WSCD2: variants seen among roughly 807,000 people sequenced by gnomAD.
WSCD2 encodes the protein WSC domain sialate O sulfotransferase 2.
A neutral mutation model predicts 55.7 loss-of-function variants in WSCD2; 28 were observed. The ratio of observed to expected loss-of-function variants is 0.50; its 90% CI spans 0.37 to 0.69. The LOEUF is 0.69. WSCD2 is among the 30% of genes least tolerant of loss of function. The pLI is 0.00. For synonymous variants in WSCD2, 301 were observed against 301.9 expected (o/e 1.00, Z 0.03); for missense variants, 616 against 762.1 (o/e 0.81, Z 2.26).
intron 1 of WSCD2, among the ~76,000 whole-genome samples, chr12:108,159,036 C>T (rs1565923934): frequency 6.6e-6 from 1 of 152,172 alleles, no homozygotes; most frequent in African/African-American, 2.4e-5. Flanking sequence ...GGTTAAAGAC[C>T]TTCTGTGGCC....
chr12:108,173,810 C>CTCTGTGTGTGTGTGTGTGTGTG (rs376999073), intron 1 of WSCD2, among the ~76,000 whole-genome samples: 14 of 131,144 alleles, frequency 1.1e-4, no homozygotes, highest in African/African-American at 4.3e-4. Context: ...TCCTGGCTCT[C>CTCTGTGTGTGTGTGTGTGTGTG]TGTGTGTGTG....
At chr12:108,201,795 A>T (rs2137069289) in intron 2 of WSCD2, among the ~76,000 whole-genome samples, 1 of 152,356 alleles carries the variant, frequency 6.6e-6, no homozygotes, top group East Asian at 1.9e-4. Flanking sequence ...TTCATTGAAG[A>T]GAGCAAAATT....
intron 1 of WSCD2, among the ~76,000 whole-genome samples, chr12:108,174,158 T>C (rs1449148763): frequency 6.6e-6 from 1 of 152,106 alleles, no homozygotes; most frequent in Non-Finnish European, 1.5e-5. Flanking sequence ...AGGATTTGGA[T>C]GTTAGTCTAT....
In WSCD2 at chr12:108,250,171, A is replaced by AGTGTGTGTGAGTGTGTGT. The variant is rs1555247307; in HGVS notation, c.*1837_*1838insAGTGTGTGTGTGTGTGTG. The AGTGTGTGTGAGTGTGTGT allele has an allele frequency of 3.4e-5, 5 of 146,500 alleles. No individual in the cohort carries two copies. Among genetic ancestry groups the AGTGTGTGTGAGTGTGTGT allele is most frequent in the African/African-American group, 1.0e-4 (4 of 39,210 alleles). The allele number at this position is 146,500 out of a possible 1,614,324, so 9.1% of individuals were successfully genotyped here. On this transcript the variant is annotated 3_prime_UTR_variant, in exon 9 of 9. Coordinates refer to ENST00000547525, the MANE Select transcript of WSCD2 (RefSeq NM_014653.4). ...AGGTTCACAAATGGGATGTTTTCCT[A>AGTGTGTGTGAGTGTGTGT]GTGTGTGTGTGTGTGTGTGTGTGTG...
chr12:108,147,687 G>A (rs1404123459), intron 1 of WSCD2, among the ~76,000 whole-genome samples: 1 of 151,356 alleles, frequency 6.6e-6, no homozygotes, highest in Non-Finnish European at 1.5e-5. Flanking sequence ...GACCAGCCTG[G>A]GCAATGTGGC....
At chr12:108,239,425 C>G (rs995570655) in intron 7 of WSCD2, among the ~76,000 whole-genome samples, 1 of 152,190 alleles carries the variant, frequency 6.6e-6, no homozygotes, top group Non-Finnish European at 1.5e-5. Flanking sequence ...AGGTTAGGAC[C>G]ATGTCTATTC....
At chr12:108,206,511 C>A (rs573115726) in intron 3 of WSCD2, 108 bp downstream of exon 3, 1 of 1,074,698 alleles carries the variant, frequency 9.3e-7, no homozygotes. Context: ...AGGGTGAGCA[C>A]GTGACCACAG....
At chr12:108,174,406 G>T (rs1442235292) in intron 1 of WSCD2, among the ~76,000 whole-genome samples, 1 of 152,112 alleles carries the variant, frequency 6.6e-6, no homozygotes, top group Non-Finnish European at 1.5e-5. Flanking sequence ...CTGTAACTTA[G>T]AGACAATCAT....
chr12:108,225,834 G>T (rs563695402), intron 5 of WSCD2, among the ~76,000 whole-genome samples: 16 of 152,278 alleles, frequency 1.1e-4, no homozygotes, highest in African/African-American at 3.1e-4. Context: ...TTCTTAAAAT[G>T]AGCTAATGAC....
intron 1 of WSCD2, among the ~76,000 whole-genome samples, chr12:108,161,522 C>G (rs1181783404): frequency 6.6e-6 from 1 of 152,156 alleles, no homozygotes; most frequent in African/African-American, 2.4e-5. Flanking sequence ...TGCTGGCAAA[C>G]CACCAGAAGC....
At chr12:108,227,373 C>T (rs781389810) in intron 6 of WSCD2, among the ~76,000 whole-genome samples, 8 of 152,266 alleles carry the variant, frequency 5.3e-5, no homozygotes, top group Non-Finnish European at 1.2e-4. Context: ...GATGACCCAT[C>T]TCTATCCCTC....
chr12:108,210,094 A>G lies in WSCD2; in HGVS notation c.498-27A>G, dbSNP rs762113076. 5.0e-6 allele frequency: 8 copies of G among 1,613,578 alleles called. No homozygotes were observed. Among genetic ancestry groups the G allele is most frequent in the Non-Finnish European group, 6.8e-6 (8 of 1,179,900 alleles). ...CCTCGGGGTCTCCATGGTGGCAGCT[A>G]CCCTGCTTGACAGCAGCCTCCCCCA... is the stretch of plus-strand genomic sequence containing the variant. On this transcript the variant is annotated intron_variant, in intron 3 of 8. Coordinates refer to ENST00000547525, the MANE Select transcript of WSCD2 (RefSeq NM_014653.4). This position sits in a 1 kb window ranked among gnomAD's most constrained non-coding sequence, Gnocchi z 4.3.
At chr12:108,247,394 A>G (rs144924847) in intron 8 of WSCD2, among the ~76,000 whole-genome samples, 2 of 152,066 alleles carry the variant, frequency 1.3e-5, no homozygotes, top group Non-Finnish European at 2.9e-5. Context: ...ACACATACTT[A>G]TACATGGGGT....
At position 108,240,217 on chromosome 12, in the gene WSCD2, C is replaced by G. The variant is rs1052907212; in HGVS notation, c.1145-127C>G. 5 of 1,197,978 alleles carry G rather than the reference C, an allele frequency of 4.2e-6. No homozygotes were observed. In the African/African-American group the frequency reaches 7.5e-5, roughly 18 times the overall value. The allele number at this position is 1,197,978 out of a possible 1,614,324, so 74.2% of individuals were successfully genotyped here. ...CAGTGCCTGGCACATAGTAGGTGCTCAATAAATACGCGAATGACTGAGTGA... is the reference window on the plus strand; with the variant it reads ...CAGTGCCTGGCACATAGTAGGTGCTGAATAAATACGCGAATGACTGAGTGA... On this transcript the variant is annotated intron_variant, in intron 7 of 8. Transcript: ENST00000547525.
chr12:108,248,437 C>T lies in WSCD2; in HGVS notation c.*94C>T. On this transcript the variant is annotated 3_prime_UTR_variant, in exon 9 of 9. Transcript: ENST00000547525. This position sits in a 1 kb window ranked among gnomAD's most constrained non-coding sequence, Gnocchi z 4.3. Reference sequence around the variant, plus strand: ...GGTTACCCCCACTCATCTGTCCTCTCTTTGGTCTGGGGACAATCCCCTTGG... The same window carrying T: ...GGTTACCCCCACTCATCTGTCCTCTTTTTGGTCTGGGGACAATCCCCTTGG... 6.7e-7 allele frequency: 1 copy of T among 1,484,754 alleles called. No individual in the cohort carries two copies. The highest frequency in any genetic ancestry group is 1.4e-5 in the South Asian group (1 of 72,764). 92.0% of individuals were successfully genotyped at this position (1,484,754 alleles called of 1,614,324 possible).
intron 1 of WSCD2, among the ~76,000 whole-genome samples, chr12:108,186,002 G>A (rs1882440343): frequency 6.6e-6 from 1 of 152,116 alleles, no homozygotes. Flanking sequence ...AGTGGACTGG[G>A]TGACCTGCAC....
chr12:108,157,102 C>T (rs891825886), intron 1 of WSCD2, among the ~76,000 whole-genome samples: 12 of 152,104 alleles, frequency 7.9e-5, no homozygotes, highest in African/African-American at 2.9e-4. Context: ...GAATGAGGGC[C>T]CCAGATATTT....
intron 1 of WSCD2, among the ~76,000 whole-genome samples, chr12:108,175,191 G>C (rs766728750): frequency 9.2e-5 from 14 of 152,162 alleles, no homozygotes; most frequent in Admixed American, 2.0e-4. Flanking sequence ...CAGCACACAG[G>C]GGGCAGGAAT....
rs1877547652 is a variant in WSCD2 at position 108,147,713 on chromosome 12, C to CA, written c.-552+17794dup. Among the ~76,000 whole-genome samples the CA allele has an allele frequency of 3.3e-5, 5 of 151,896 alleles. No individual in the cohort carries two copies. The South Asian group carries it at 1.0e-3, about 32-fold the overall frequency. On this transcript the variant is annotated intron_variant, in intron 1 of 8. Transcript: ENST00000547525. The stretch of plus-strand genomic sequence containing the variant: ...GCAATGTGGCAGAACTCTGCCTCTA[C>CA]AAAAAAATTACAGAAATTAGCCGGG...
Sources: gnomAD v4.1 joint callset for allele counts (sites outside exome capture counted in the v4.1 genomes callset) on GRCh38, gnomAD v4.1.1 for gene constraint, Gnocchi (gnomAD v3.1) non-coding constraint, MANE v1.5 for transcripts, NCBI Gene and HGNC (gene_info 2026-07-23, HGNC 2026-07-21) for gene names.